The following TEK variants were observed in gnomAD, a reference collection of about 807,000 sequenced individuals.
TEK encodes angiopoietin-1 receptor.
In TEK, 43 loss-of-function variants were observed where a neutral mutation model predicts 131.8. The observed-to-expected ratio is 0.33, with a 90% confidence interval of 0.26 to 0.42. TEK has a LOEUF of 0.42. Ranked by LOEUF, TEK falls within the 10% of genes least tolerant of loss-of-function variation. The probability of loss-of-function intolerance (pLI) is 1.00; values close to 1 mark genes in which losing one functional copy is unlikely to be tolerated. For synonymous variants in TEK, 580 were observed against 491.6 expected (o/e 1.18, Z -2.38); for missense variants, 1,162 against 1,384.4 (o/e 0.84, Z 2.55).
intron 1 of TEK, among the ~76,000 whole-genome samples, chr9:27,123,416 C>A (rs1821874415): frequency 6.6e-6 from 1 of 152,136 alleles, no homozygotes; most frequent in South Asian, 2.1e-4. Flanking sequence ...CCTTCCCCTG[C>A]ATGTGGTCCC....
intron 8 of TEK, among the ~76,000 whole-genome samples, chr9:27,183,896 G>C (rs1824493433): frequency 6.6e-6 from 1 of 152,154 alleles, no homozygotes; most frequent in African/African-American, 2.4e-5. Flanking sequence ...TGTCCAGCTG[G>C]TATGGGGAGA....
At position 27,185,633 on chromosome 9, in the gene TEK, A is replaced by C. The variant is rs1413982113; in HGVS notation, c.1327+4A>C. ...CCCTTCAACATTTCTGTTAAAGGTA[A>C]GTTCATTTCCCAGAAAAAGGGATTG... On this transcript the variant is annotated splice_donor_region_variant and intron_variant, in intron 9 of 22. Coordinates refer to ENST00000380036, the MANE Select transcript of TEK (RefSeq NM_000459.5). 6 of 1,613,496 alleles carry C rather than the reference A, an allele frequency of 3.7e-6. No homozygotes were observed.
At chr9:27,211,915 A>T (rs1055070393) in intron 16 of TEK, among the ~76,000 whole-genome samples, 2 of 152,046 alleles carry the variant, frequency 1.3e-5, no homozygotes, top group African/African-American at 2.4e-5. Flanking sequence ...CTTTAAAAAA[A>T]TTTTCGCAAG....
intron 12 of TEK, among the ~76,000 whole-genome samples, chr9:27,200,172 C>T (rs1825167392): frequency 6.6e-6 from 1 of 152,094 alleles, no homozygotes; most frequent in Non-Finnish European, 1.5e-5. Context: ...ATTCATTTTG[C>T]ATCTATTTCT....
intron 18 of TEK, among the ~76,000 whole-genome samples, chr9:27,214,467 T>G (rs1825745043): frequency 6.6e-6 from 1 of 152,164 alleles, no homozygotes. Flanking sequence ...TAGACAATCT[T>G]TTTGCTTTTG....
At chr9:27,126,640 A>C (rs1318306799) in intron 1 of TEK, among the ~76,000 whole-genome samples, 2 of 152,240 alleles carry the variant, frequency 1.3e-5, no homozygotes, top group Non-Finnish European at 2.9e-5. Context: ...GCAATATAGC[A>C]CAGACCAGAG....
intron 1 of TEK, among the ~76,000 whole-genome samples, chr9:27,109,988 GAACA>G (rs36061630): frequency 0.77 from 116,265 of 151,528 alleles, 45,255 homozygotes; most frequent in East Asian, 0.94. Context: ...TTTTTTTAAA[GAACA>G]AACCGGTTTT....
At chr9:27,226,375 T>C (rs549844437) in intron 21 of TEK, among the ~76,000 whole-genome samples, 8 of 152,300 alleles carry the variant, frequency 5.3e-5, no homozygotes, top group Non-Finnish European at 1.2e-4. Context: ...ACGTGGCACA[T>C]ATACACCATG....
intron 2 of TEK, among the ~76,000 whole-genome samples, chr9:27,162,473 G>T (rs569705076): frequency 6.6e-6 from 1 of 152,136 alleles, no homozygotes; most frequent in African/African-American, 2.4e-5. Context: ...AGTTTGAAAC[G>T]TTTTCAGATC....
intron 21 of TEK, among the ~76,000 whole-genome samples, chr9:27,222,515 C>G (rs967024342): frequency 4.6e-5 from 7 of 152,168 alleles, no homozygotes; most frequent in African/African-American, 1.7e-4. Flanking sequence ...CAGTAGACCT[C>G]TCTGTAGAAA....
rs573385848 is a variant in TEK, at chr9:27,169,501, G to A, written c.500G>A (p.Arg167Gln). ...KNGSFIHSVP[R>Q]HEVPDILEVH... ...GGTTCCTTCATCCATTCAGTGCCCC[G>A]GCATGAAGTACCTGATATTCTAGAA... The change falls in exon 4 of 23, where the codon CGG becomes CAG. Residue 167 changes from arginine to glutamine, a missense_variant. Physicochemically the swap from Arg to Gln is conservative, Grantham distance 43 (BLOSUM62 1). Around this residue, in one of 6 missense-constraint regions of TEK, gnomAD observed 436 missense variants for 539.1 expected, o/e 0.81. Coordinates refer to ENST00000380036, the MANE Select transcript of TEK (RefSeq NM_000459.5). 6 of 1,613,978 alleles carry A rather than the reference G, an allele frequency of 3.7e-6. No individual in the cohort carries two copies. The highest frequency in any genetic ancestry group is 3.3e-5 in the South Asian group (3 of 91,074).
intron 1 of TEK, among the ~76,000 whole-genome samples, chr9:27,156,299 C>G (rs17695057): frequency 0.16 from 24,215 of 151,988 alleles, 2,408 homozygotes; most frequent in Admixed American, 0.23. Flanking sequence ...CTAAATTCCT[C>G]TTCCTATACA....
chr9:27,213,729 G>T, intron 18 of TEK, 132 bp downstream of exon 18: 1 of 715,516 alleles, frequency 1.4e-6, no homozygotes, highest in Non-Finnish European at 2.5e-6. Flanking sequence ...GATACTGTGT[G>T]CCCTGGGAAA....
At position 27,185,541 on chromosome 9, in the gene TEK, G is replaced by C; in HGVS notation, c.1239G>C (p.Arg413=). 1.2e-6 allele frequency: 2 copies of C among 1,613,756 alleles called. No individual in the cohort carries two copies. Among genetic ancestry groups the C allele is most frequent in the Non-Finnish European group, 1.7e-6 (2 of 1,179,784 alleles). Reference sequence around the variant, plus strand: ...CAGTAGCCATATTCACCATCCACCGGATCCTCCCCCCTGACTCAGGAGTTT... The same window carrying C: ...CAGTAGCCATATTCACCATCCACCGCATCCTCCCCCCTGACTCAGGAGTTT... ...HFSVAIFTIH[R]ILPPDSGVWV... The change falls in exon 9 of 23, where the codon CGG becomes CGC. Residue 413 remains arginine (R), a synonymous_variant. Coordinates refer to ENST00000380036, the MANE Select transcript of TEK (RefSeq NM_000459.5).
intron 22 of TEK, among the ~76,000 whole-genome samples, chr9:27,228,806 A>AT (rs1224440581): frequency 6.6e-6 from 1 of 151,004 alleles, no homozygotes; most frequent in Non-Finnish European, 1.5e-5. Flanking sequence ...TCAACTAGAG[A>AT]TGCAGGTGAG....
intron 7 of TEK, among the ~76,000 whole-genome samples, chr9:27,182,174 A>G (rs762551527): frequency 3.3e-5 from 5 of 152,114 alleles, no homozygotes; most frequent in African/African-American, 4.8e-5. Context: ...CCTTCTGCTG[A>G]TGCTGCAAAA....
intron 9 of TEK, among the ~76,000 whole-genome samples, chr9:27,189,393 C>T (rs1824723227): frequency 6.6e-6 from 1 of 152,256 alleles, no homozygotes; most frequent in Non-Finnish European, 1.5e-5. Context: ...CTTTATATCT[C>T]TTTATGTACT....
intron 7 of TEK, 108 bp from the exon 8 acceptor site, chr9:27,183,351 C>A: frequency 7.9e-7 from 1 of 1,259,204 alleles, no homozygotes; most frequent in Non-Finnish European, 1.2e-6. Flanking sequence ...AAAATATTTG[C>A]AAAGTTCTTG....
At chr9:27,225,349 G>T (rs1826275032) in intron 21 of TEK, among the ~76,000 whole-genome samples, 1 of 152,058 alleles carries the variant, frequency 6.6e-6, no homozygotes, top group Admixed American at 6.5e-5. Flanking sequence ...ATACTACAAG[G>T]CTACAATAAC....
Sources: allele counts gnomAD v4.1 joint callset (sites outside exome capture counted in the v4.1 genomes callset), GRCh38; gene constraint gnomAD v4.1.1; regional missense constraint gnomAD v4.1.1; transcripts MANE v1.5; gene names NCBI Gene and HGNC (gene_info 2026-07-23, HGNC 2026-07-21).